NOTCH3: variants seen among roughly 807,000 people sequenced by gnomAD.
The protein encoded by NOTCH3 is notch receptor 3.
Under a neutral mutation model 213.3 loss-of-function variants are expected in NOTCH3, and 86 were observed. The ratio of observed to expected loss-of-function variants is 0.40; its 90% confidence interval spans 0.34 to 0.48. The LOEUF is 0.48. Among genes scored for constraint, NOTCH3 ranks in the 20% least tolerant of loss-of-function variants. NOTCH3 has a pLI of 0.57. For synonymous variants in NOTCH3, 1,354 were observed against 1,355.9 expected (o/e 1.00, Z 0.03); for missense variants, 2,783 against 3,272.6 (o/e 0.85, Z 3.65).
rs1209870761 is a variant in NOTCH3, at chr19:15,187,985, C to T, written c.1502G>A (p.Gly501Asp). 6.4e-7 allele frequency: 1 copy of T among 1,551,018 alleles called. No homozygotes were observed. Among genetic ancestry groups the T allele is most frequent in the South Asian group, 1.2e-5 (1 of 84,042 alleles). Residue 501 changes from glycine (G) to aspartate (D), a missense_variant, in exon 10 of 33, where the codon GGC becomes GAC. Around this residue, in one of 6 missense-constraint regions of NOTCH3, gnomAD observed 708 missense variants for 906.6 expected, o/e 0.78. Transcript: ENST00000263388. The part of the protein sequence containing the change: ...FSCTCPSGFS[G>D]STCQLDVDEC... ...GTCCACGTCCAGCTGACACGTGGAGCCGCTGAAGCCTGGGGTGGGGAGTGG... is the reference window on the plus strand; with the variant it reads ...GTCCACGTCCAGCTGACACGTGGAGTCGCTGAAGCCTGGGGTGGGGAGTGG...
At chr19:15,188,067 G>T (rs905691920) in intron 9 of NOTCH3, 73 bp from the exon 10 acceptor site, 4 of 1,260,244 alleles carry the variant, frequency 3.2e-6, no homozygotes, top group Non-Finnish European at 3.4e-6. Context: ...GCCCCGCCTT[G>T]TTTGGGTGGA....
intron 2 of NOTCH3, 59 bp downstream of exon 2, chr19:15,197,441 G>GGGGGGGCCC: frequency 7.8e-6 from 6 of 768,352 alleles, no homozygotes; most frequent in Non-Finnish European, 1.4e-5. Flanking sequence ...AAGACAAATC[G>GGGGGGGCCC]CCCCTCCCCC....
Position 15,184,948 on chromosome 19 carries a change from G to T in NOTCH3, c.2368C>A (p.Pro790Thr). The T allele has an allele frequency of 6.5e-7, 1 of 1,549,766 alleles. No individual in the cohort carries two copies. Among genetic ancestry groups the T allele is most frequent in the Non-Finnish European group, 8.7e-7 (1 of 1,146,158 alleles). Residue 790 changes from proline to threonine, a missense_variant, in exon 15 of 33, where the codon CCT (proline) becomes ACT (threonine). Physicochemically the swap from Pro to Thr is conservative, Grantham distance 38 (BLOSUM62 -1). Around this residue, in one of 6 missense-constraint regions of NOTCH3, gnomAD observed 861 missense variants for 909.1 expected, o/e 0.95. Transcript: ENST00000263388. ...CAGGAGCAGACAGGCAGCTGGCCAG[G>T]GGCAGACTCGCAGCGGCCCCCATGC... ...CEHGGRCESAPGQLPVCSCPQ... is the reference protein window; with the variant it reads ...CEHGGRCESATGQLPVCSCPQ...
rs1193463456 is a variant in NOTCH3, at chr19:15,161,035, G to GGGTTGA, written c.6587_6592dup (p.Leu2196_Asn2197dup). 1 of 1,539,854 alleles carries GGGTTGA rather than the reference G, an allele frequency of 6.5e-7. No individual in the cohort carries two copies. Reference sequence around the variant, plus strand: ...CTCCTGCGGGGAGACGGGGGTCCCTGGGTTGAGCAGCTGGGGTCCCGGCGC... The same window carrying GGGTTGA: ...CTCCTGCGGGGAGACGGGGGTCCCTGGGTTGAGGTTGAGCAGCTGGGGTCCCGGCGC... On this transcript the variant is annotated inframe_insertion, in exon 33 of 33. Coordinates refer to ENST00000263388, the MANE Select transcript of NOTCH3 (RefSeq NM_000435.3).
intron 6 of NOTCH3, among the ~76,000 whole-genome samples, chr19:15,190,946 C>T (rs1599393377): frequency 1.3e-5 from 2 of 152,240 alleles, no homozygotes; most frequent in East Asian, 1.9e-4. Context: ...GTCTCAAAGT[C>T]CTGGGCCCAA....
In NOTCH3 at chr19:15,177,989, G is replaced by A. The variant is rs2145415565; in HGVS notation, c.3939C>T (p.Cys1313=). 3 of 1,448,456 alleles carry A rather than the reference G, an allele frequency of 2.1e-6. No homozygotes were observed. Among genetic ancestry groups the A allele is most frequent in the Non-Finnish European group, 2.7e-6 (3 of 1,103,738 alleles). 89.7% of individuals were successfully genotyped at this position (1,448,456 alleles called of 1,614,324 possible). ...PCQQTPRGPR[C]ACPPGLSGPS... Reference sequence around the variant, plus strand: ...GTCCCGACAACCCTGGGGGGCAGGCGCAGCGCGGCCCGCGGGGCGTCTGCT... The same window carrying A: ...GTCCCGACAACCCTGGGGGGCAGGCACAGCGCGGCCCGCGGGGCGTCTGCT... Residue 1313 remains cysteine, a synonymous_variant, in exon 24 of 33, where the codon TGC becomes TGT. Coordinates refer to ENST00000263388, the MANE Select transcript of NOTCH3 (RefSeq NM_000435.3).
intron 25 of NOTCH3, 126 bp from the exon 26 acceptor site, chr19:15,170,951 G>T: frequency 2.0e-6 from 2 of 1,022,752 alleles, no homozygotes; most frequent in Non-Finnish European, 2.9e-6. Context: ...AGGTCTCCAT[G>T]GCCCACCTGC....
chr19:15,170,880 C>T (rs2046728471), intron 25 of NOTCH3, 55 bp from the exon 26 acceptor site: 3 of 1,590,224 alleles, frequency 1.9e-6, no homozygotes, highest in African/African-American at 1.3e-5. Context: ...GATGCACCCC[C>T]TGGTACCAAG....
At position 15,189,406 on chromosome 19, in the gene NOTCH3, G is replaced by A. The variant is rs529200949; in HGVS notation, c.1059C>T (p.Asp353=). ...CGTGGCAGGGGTTGCTGACACAGGC[G>A]TCATCCAGGTGACACAGGAGGCCTG... The part of the protein sequence containing the change: ...GKTGLLCHLD[D]ACVSNPCHED... Residue 353 remains aspartate, a synonymous_variant, in exon 7 of 33, where the codon GAC becomes GAT. Coordinates refer to ENST00000263388, the MANE Select transcript of NOTCH3 (RefSeq NM_000435.3). 1.4e-5 allele frequency: 23 copies of A among 1,613,822 alleles called. No individual in the cohort carries two copies. The highest frequency in any genetic ancestry group is 6.7e-5 in the East Asian group (3 of 44,886).
intron 2 of NOTCH3, 60 bp downstream of exon 2, chr19:15,197,440 C>CGGGCG: frequency 1.2e-6 from 1 of 800,698 alleles, no homozygotes; most frequent in Non-Finnish European, 2.2e-6. Context: ...GAAGACAAAT[C>CGGGCG]GCCCCTCCCC....
chr19:15,170,217 T>C, intron 27 of NOTCH3, 47 bp from the exon 28 acceptor site: 1 of 1,525,130 alleles, frequency 6.6e-7, no homozygotes, highest in South Asian at 1.1e-5. Flanking sequence ...ACTAGAGGTG[T>C]CCAGCTGGGA....
chr19:15,170,556 A>G lies in NOTCH3; in HGVS notation c.4892-3T>C, dbSNP rs370013394. The G allele has an allele frequency of 1.0e-5, 16 of 1,608,018 alleles. No individual in the cohort carries two copies. Among genetic ancestry groups the G allele is most frequent in the African/African-American group, 1.3e-5 (1 of 74,882 alleles). On this transcript the variant is annotated splice_polypyrimidine_tract_variant and splice_region_variant and intron_variant, in intron 26 of 32. Transcript: ENST00000263388. ...TTCTGGAGGCTCCAGCGGCTCCCCTAAGAGCAGGAAGCAGAGGGCGGGGCT... is the reference window on the plus strand; with the variant it reads ...TTCTGGAGGCTCCAGCGGCTCCCCTGAGAGCAGGAAGCAGAGGGCGGGGCT...
Position 15,185,457 on chromosome 19 carries a change from G to T in NOTCH3, c.2144+30C>A, listed in dbSNP as rs991691837. ...CAGGGAGGTGGGCCAGGGAGAGGGG[G>T]CAGTGTCTGAGGCTGAGAAGGGCCC... On this transcript the variant is annotated intron_variant, in intron 13 of 32. Transcript: ENST00000263388. The surrounding 1 kb of genome is among the most constrained non-coding windows in gnomAD (Gnocchi z 4.2). 1.2e-6 allele frequency: 2 copies of T among 1,612,136 alleles called. No individual in the cohort carries two copies. The highest frequency in any genetic ancestry group is 1.7e-6 in the Non-Finnish European group (2 of 1,179,042).
intron 25 of NOTCH3, among the ~76,000 whole-genome samples, chr19:15,172,370 G>T (rs563359661): frequency 6.6e-6 from 1 of 152,084 alleles, no homozygotes; most frequent in Admixed American, 6.5e-5. Flanking sequence ...TATCTCCTTG[G>T]AGGCCTTCCC....
At chr19:15,200,671 GC>G (rs2047005064) in intron 1 of NOTCH3, 116 bp downstream of exon 1, 2 of 771,696 alleles carry the variant, frequency 2.6e-6, no homozygotes, top group South Asian at 1.2e-4. Context: ...GGGCTCCTGC[GC>G]CCCTTCCCCG....
chr19:15,180,893 C>A (rs568262677), intron 18 of NOTCH3, 65 bp from the exon 19 acceptor site: 1 of 1,596,462 alleles, frequency 6.3e-7, no homozygotes, highest in Non-Finnish European at 8.5e-7. Context: ...AACTGTGCCC[C>A]GACTTGGCTT....
At chr19:15,161,768 GTCTTCCAGCC>G in intron 32 of NOTCH3, 54 bp from the exon 33 acceptor site, 1 of 1,525,636 alleles carries the variant, frequency 6.6e-7, no homozygotes, top group Non-Finnish European at 9.0e-7. Context: ...CAGTAGCAAA[GTCTTCCAGCC>G]TCTTGGGGGA....
chr19:15,197,919 T>C (rs2046982929), intron 1 of NOTCH3, among the ~76,000 whole-genome samples: 1 of 151,846 alleles, frequency 6.6e-6, no homozygotes, highest in Admixed American at 6.6e-5. Flanking sequence ...GAAGTAAGGG[T>C]GCTGAGTGTT....
chr19:15,191,191 G>A (rs774395171), intron 6 of NOTCH3, among the ~76,000 whole-genome samples: 4 of 151,582 alleles, frequency 2.6e-5, no homozygotes, highest in East Asian at 2.0e-4. Context: ...GCACCACCAC[G>A]CGCAGCTAAT....
Sources: gnomAD v4.1 joint callset for allele counts (sites outside exome capture counted in the v4.1 genomes callset) on GRCh38, gnomAD v4.1.1 for gene constraint, gnomAD v4.1.1 regional missense constraint, Gnocchi (gnomAD v3.1) non-coding constraint, MANE v1.5 for transcripts, NCBI Gene and HGNC (gene_info 2026-07-23, HGNC 2026-07-21) for gene names.